The following TANC2 variants were observed in gnomAD, a reference collection of about 807,000 sequenced individuals.
TANC2 encodes the protein tetratricopeptide repeat, ankyrin repeat and coiled-coil containing 2, also known as protein TANC2.
A neutral mutation model predicts 210.5 loss-of-function variants in TANC2; 26 were observed. That is an observed-to-expected ratio of 0.12 (90% confidence interval 0.09 to 0.17). The LOEUF is 0.17. Ranked by LOEUF, TANC2 falls within the 10% of genes least tolerant of loss-of-function variation. The pLI, the probability that TANC2 is intolerant of heterozygous loss-of-function variation, is 1.00. For missense variants in TANC2, 2,129 were observed against 2,608.9 expected (o/e 0.82, Z 4.01); for synonymous variants, 931 against 967.1 (o/e 0.96, Z 0.69).
At chr17:63,301,356 C>T (rs780687874) in intron 9 of TANC2, among the ~76,000 whole-genome samples, 26 of 152,236 alleles carry the variant, frequency 1.7e-4, no homozygotes, top group Non-Finnish European at 1.8e-4. Context: ...AGGAATGGTA[C>T]CAGCTCCTCT....
chr17:63,155,852 A>G (rs1225753348), intron 5 of TANC2, among the ~76,000 whole-genome samples: 1 of 152,016 alleles, frequency 6.6e-6, no homozygotes, highest in South Asian at 2.1e-4. Context: ...TTTCATTTGG[A>G]TTTTTTATCT....
At chr17:63,116,157 G>T (rs773776341) in intron 4 of TANC2, among the ~76,000 whole-genome samples, 10 of 152,120 alleles carry the variant, frequency 6.6e-5, no homozygotes, top group Non-Finnish European at 1.3e-4. Flanking sequence ...GTAACACAGA[G>T]ATATGATATA....
chr17:63,172,628 A>G (rs780559016), intron 5 of TANC2, among the ~76,000 whole-genome samples: 1 of 152,246 alleles, frequency 6.6e-6, no homozygotes, highest in Non-Finnish European at 1.5e-5. Flanking sequence ...TATGCCTGCT[A>G]CTGTATCCAT....
intron 8 of TANC2, among the ~76,000 whole-genome samples, chr17:63,241,605 G>A (rs999281830): frequency 1.3e-5 from 2 of 152,156 alleles, no homozygotes; most frequent in African/African-American, 4.8e-5. Context: ...AGTTAACATT[G>A]TAGTGGCCTA....
At chr17:63,073,072 G>A (rs239362) in intron 2 of TANC2, among the ~76,000 whole-genome samples, 15,586 of 151,992 alleles carry the variant, frequency 0.1, 1,708 homozygotes, top group African/African-American at 0.28. Context: ...ATGAAAGAAC[G>A]AACAAAGGAA....
At chr17:63,198,282 A>G (rs943708778) in intron 6 of TANC2, among the ~76,000 whole-genome samples, 1 of 151,362 alleles carries the variant, frequency 6.6e-6, no homozygotes, top group Non-Finnish European at 1.5e-5. Context: ...TGCAACCTCT[A>G]CCTCCTGGGT....
Position 63,310,204 on chromosome 17 carries a change from T to C in TANC2, c.1160-4184T>C, listed in dbSNP as rs546288812. The stretch of plus-strand genomic sequence containing the variant: ...GGCTCACACAGTAATCCCAGCACTT[T>C]GGGAGGCCAAGGCAGGTGGATCACT... On this transcript the variant is annotated intron_variant, in intron 9 of 27. Coordinates refer to ENST00000689528, the Ensembl canonical transcript of TANC2. 2.9e-3 allele frequency among the ~76,000 whole-genome samples: 442 copies of C among 152,258 alleles called. 1 individual carries two copies. Among genetic ancestry groups the C allele is most frequent in the African/African-American group, 0.01 (424 of 41,548 alleles).
chr17:63,403,994 G>A (rs1411932011), intron 19 of TANC2, among the ~76,000 whole-genome samples: 2 of 152,138 alleles, frequency 1.3e-5, no homozygotes, highest in Non-Finnish European at 2.9e-5. Context: ...ACGTTTTAAA[G>A]TTTGCAAACT....
At chr17:63,241,914 T>A (rs552988807) in intron 8 of TANC2, among the ~76,000 whole-genome samples, 3 of 152,300 alleles carry the variant, frequency 2.0e-5, no homozygotes, top group Admixed American at 6.5e-5. Context: ...ACAAAAAAGC[T>A]GAAATTGACC....
intron 1 of TANC2, among the ~76,000 whole-genome samples, chr17:62,990,013 G>A (rs1455184138): frequency 2.0e-5 from 3 of 151,962 alleles, no homozygotes; most frequent in Non-Finnish European, 4.4e-5. Context: ...TCCTGACCTC[G>A]TGATCCGCCT....
At chr17:63,362,603 G>C (rs555710363) in intron 14 of TANC2, among the ~76,000 whole-genome samples, 1 of 152,350 alleles carries the variant, frequency 6.6e-6, no homozygotes, top group South Asian at 2.1e-4. Flanking sequence ...ATGCTCGTCA[G>C]CACCCAAAGT....
chr17:63,276,776 G>C (rs923513563), intron 9 of TANC2, among the ~76,000 whole-genome samples: 1 of 152,104 alleles, frequency 6.6e-6, no homozygotes, highest in African/African-American at 2.4e-5. Context: ...AGGTGTAAAA[G>C]TGATAGCATA....
At chr17:63,142,188 T>G (rs1417898429) in intron 4 of TANC2, among the ~76,000 whole-genome samples, 1 of 152,218 alleles carries the variant, frequency 6.6e-6, no homozygotes, top group Non-Finnish European at 1.5e-5. Flanking sequence ...TATTTCTTCT[T>G]AAGGCAGTTG....
intron 14 of TANC2, among the ~76,000 whole-genome samples, chr17:63,364,413 C>T (rs953089271): frequency 9.2e-5 from 14 of 152,036 alleles, no homozygotes; most frequent in African/African-American, 3.4e-4. Flanking sequence ...TAGAATTCTT[C>T]TCCAAACCCA....
chr17:63,354,717 G>T (rs1156805990), intron 13 of TANC2, 66 bp from the exon 14 acceptor site: 2 of 1,512,672 alleles, frequency 1.3e-6, no homozygotes, highest in Non-Finnish European at 1.8e-6. Context: ...GAACCTCATA[G>T]TTTATCACAA....
At chr17:63,125,995 C>G (rs900601801) in intron 4 of TANC2, among the ~76,000 whole-genome samples, 1 of 152,196 alleles carries the variant, frequency 6.6e-6, no homozygotes, top group Non-Finnish European at 1.5e-5. Context: ...AACTTAACCT[C>G]TCCCTCAGTT....
At chr17:63,345,222 C>CA (rs1342842926) in intron 12 of TANC2, among the ~76,000 whole-genome samples, 1 of 152,046 alleles carries the variant, frequency 6.6e-6, no homozygotes, top group Admixed American at 6.6e-5. Context: ...GAAAGCACAG[C>CA]AAAAATATTG....
chr17:63,091,694 G>A lies in TANC2; in HGVS notation c.140-7481G>A, dbSNP rs569373479. 2.0e-5 allele frequency among the ~76,000 whole-genome samples: 3 copies of A among 152,272 alleles called. No individual in the cohort carries two copies. In the East Asian group the frequency reaches 5.8e-4, roughly 29 times the overall value. On this transcript the variant is annotated intron_variant, in intron 3 of 27. Coordinates refer to ENST00000689528, the Ensembl canonical transcript of TANC2. ...GCTTAGGATTGTCTTAGAAATGCGGGCCCCTTTTTTGGTTCCATATGAACT... is the reference window on the plus strand; with the variant it reads ...GCTTAGGATTGTCTTAGAAATGCGGACCCCTTTTTTGGTTCCATATGAACT...
chr17:63,288,117 GT>G (rs2044280470), intron 9 of TANC2, among the ~76,000 whole-genome samples: 1 of 152,186 alleles, frequency 6.6e-6, no homozygotes, highest in African/African-American at 2.4e-5. Context: ...ACACATGCCA[GT>G]GAGTACTCCA....
Sources: gnomAD v4.1 joint callset for allele counts (sites outside exome capture counted in the v4.1 genomes callset) on GRCh38, gnomAD v4.1.1 for gene constraint, MANE v1.5 for transcripts, NCBI Gene and HGNC (gene_info 2026-07-23, HGNC 2026-07-21) for gene names.